Variants in SLC4A4 observed in about 807,000 individuals in gnomAD.
SLC4A4 encodes electrogenic sodium bicarbonate cotransporter 1.
Under a neutral mutation model 111.5 loss-of-function variants are expected in SLC4A4, and 27 were observed. The ratio of observed to expected loss-of-function variants is 0.24; its 90% CI spans 0.18 to 0.33. The LOEUF (loss-of-function observed/expected upper bound fraction) is 0.33, where lower values mean the gene tolerates loss of function less well. Among genes scored for constraint, SLC4A4 ranks in the 10% least tolerant of loss-of-function variants. The pLI, the probability that SLC4A4 is intolerant of heterozygous loss-of-function variation, is 1.00. For synonymous variants in SLC4A4, 443 were observed against 463.4 expected, an observed-to-expected ratio of 0.96 and a Z score of 0.57; for missense variants, 909 against 1,315.5, an observed-to-expected ratio of 0.69 and a Z score of 4.78.
At chr4:71,524,465 C>T (rs1012131042) in intron 16 of SLC4A4, among the ~76,000 whole-genome samples, 14 of 152,208 alleles carry the variant, frequency 9.2e-5, no homozygotes, top group South Asian at 6.2e-4. Flanking sequence ...GCTCCAAGCC[C>T]GACCCAGATA....
intron 20 of SLC4A4, among the ~76,000 whole-genome samples, chr4:71,549,630 G>A (rs899860753): frequency 6.6e-6 from 1 of 151,772 alleles, no homozygotes; most frequent in Non-Finnish European, 1.5e-5. Flanking sequence ...AGTCAGATGT[G>A]TTTAAAAGTT....
At chr4:71,382,074 T>G (rs1273148531) in intron 6 of SLC4A4, among the ~76,000 whole-genome samples, 1 of 152,100 alleles carries the variant, frequency 6.6e-6, no homozygotes, top group East Asian at 1.9e-4. Flanking sequence ...TACAAATATT[T>G]AGAGGAAAGT....
At chr4:71,404,556 T>A (rs1236726385) in intron 7 of SLC4A4, among the ~76,000 whole-genome samples, 1 of 152,210 alleles carries the variant, frequency 6.6e-6, no homozygotes, top group Non-Finnish European at 1.5e-5. Context: ...ATACCAGGAA[T>A]ATACCTAGAA....
At chr4:71,120,736 C>T (rs533736422) in intron 2 of SLC4A4, among the ~76,000 whole-genome samples, 6 of 152,286 alleles carry the variant, frequency 3.9e-5, no homozygotes, top group East Asian at 1.9e-4. Context: ...GGCGTGGTGG[C>T]GGGTGCCTGT....
intron 24 of SLC4A4, among the ~76,000 whole-genome samples, chr4:71,565,733 G>C (rs1316981501): frequency 6.6e-6 from 1 of 151,758 alleles, no homozygotes; most frequent in Non-Finnish European, 1.5e-5. Context: ...GCAAATCTCT[G>C]TAACAAACAT....
intron 13 of SLC4A4, among the ~76,000 whole-genome samples, chr4:71,466,872 C>A (rs566823580): frequency 6.6e-6 from 1 of 150,562 alleles, no homozygotes; most frequent in Non-Finnish European, 1.5e-5. Context: ...AACACCCATG[C>A]CCCTTTGCCT....
At chr4:71,357,739 A>G (rs1730413311) in intron 6 of SLC4A4, among the ~76,000 whole-genome samples, 1 of 152,216 alleles carries the variant, frequency 6.6e-6, no homozygotes, top group Non-Finnish European at 1.5e-5. Flanking sequence ...GATAGATCCA[A>G]GAATAATTAT....
intron 12 of SLC4A4, among the ~76,000 whole-genome samples, chr4:71,463,784 A>G (rs1377430607): frequency 1.3e-5 from 2 of 152,148 alleles, no homozygotes; most frequent in African/African-American, 4.8e-5. Context: ...GACCACATGT[A>G]GAGATGGTGG....
At chr4:71,148,360 G>T (rs1198604797) in intron 2 of SLC4A4, among the ~76,000 whole-genome samples, 3 of 152,102 alleles carry the variant, frequency 2.0e-5, no homozygotes, top group Non-Finnish European at 4.4e-5. Flanking sequence ...AAAGAAACTG[G>T]ATCTCCAAAC....
intron 3 of SLC4A4, among the ~76,000 whole-genome samples, chr4:71,256,295 G>A (rs185590302): frequency 2.4e-3 from 372 of 152,326 alleles, no homozygotes; most frequent in Non-Finnish European, 3.3e-3. Context: ...CACAGATAAA[G>A]ATCGGGTTCA....
chr4:71,254,525 T>C (rs1302703638), intron 2 of SLC4A4, among the ~76,000 whole-genome samples: 1 of 152,156 alleles, frequency 6.6e-6, no homozygotes, highest in East Asian at 1.9e-4. Context: ...AGAATGGCAC[T>C]GTAGCTGACA....
chr4:71,367,824 CT>C (rs777691746), intron 6 of SLC4A4, among the ~76,000 whole-genome samples: 1 of 152,152 alleles, frequency 6.6e-6, no homozygotes, highest in African/African-American at 2.4e-5. Flanking sequence ...AAAAATGTTT[CT>C]CGATTTTATA....
chr4:71,465,448 A>G (rs1727217622), intron 12 of SLC4A4, among the ~76,000 whole-genome samples: 1 of 151,190 alleles, frequency 6.6e-6, no homozygotes, highest in South Asian at 2.1e-4. Context: ...GAACCTTCCT[A>G]CAAATACACA....
chr4:71,486,729 T>G (rs1322818011), intron 14 of SLC4A4, among the ~76,000 whole-genome samples: 3 of 151,254 alleles, frequency 2.0e-5, no homozygotes, highest in Non-Finnish European at 4.4e-5. Context: ...TTCACCATCA[T>G]TTCTTATCAG....
rs978468952 is a variant in SLC4A4 at position 71,085,826 on chromosome 4, G to A, written c.-64-6904G>A. Among the ~76,000 whole-genome samples, 1,399 of 152,104 alleles carry A rather than the reference G, an allele frequency of 9.2e-3. 14 individuals carry two copies. The highest frequency in any genetic ancestry group is 0.014 in the Non-Finnish European group (938 of 68,004). ...CTGTAGCCTTGTAGTATAGTTCAAA[G>A]TCAGGTAGCGTGATGCCTCCAGCTT... On this transcript the variant is annotated intron_variant, in intron 1 of 26. Coordinates refer to the SLC4A4 transcript ENST00000649996.
chr4:71,551,856 T>A (rs2149242926), intron 20 of SLC4A4, among the ~76,000 whole-genome samples: 1 of 152,050 alleles, frequency 6.6e-6, no homozygotes, highest in East Asian at 1.9e-4. Context: ...CAGTACTTCC[T>A]TATCAGCTTA....
At position 71,563,807 on chromosome 4, in the gene SLC4A4, C is replaced by G. The variant is rs757348416; in HGVS notation, c.3114C>G (p.Tyr1038Ter). Residue 1038 changes from tyrosine (Y) to a stop codon, truncating the protein, a stop_gained, in exon 24 of 26, where the codon TAC (tyrosine) becomes TAG (stop). Coordinates refer to ENST00000264485, the MANE Select transcript of SLC4A4 (RefSeq NM_001098484.3). LOFTEE classifies it high-confidence loss of function. ...TTTTTTCACAGTCTGACTGCCCATA[C>G]TCAGAAAAAGTTCCAAGTATTAAAA... ...DSDNDDSDCP[Y>*]SEKVPSIKIP... The G allele has an allele frequency of 1.9e-6, 3 of 1,608,474 alleles. No individual in the cohort carries two copies. The highest frequency in any genetic ancestry group is 1.7e-6 in the Non-Finnish European group (2 of 1,175,586).
At chr4:71,085,105 T>G (rs1420522909) in intron 1 of SLC4A4, among the ~76,000 whole-genome samples, 1 of 152,106 alleles carries the variant, frequency 6.6e-6, no homozygotes, top group Non-Finnish European at 1.5e-5. Flanking sequence ...TTCTAACTGG[T>G]GTGAGATGGT....
intron 5 of SLC4A4, among the ~76,000 whole-genome samples, chr4:71,350,512 G>A (rs1321976260): frequency 6.6e-6 from 1 of 151,986 alleles, no homozygotes; most frequent in African/African-American, 2.4e-5. Flanking sequence ...CGAGTAGCTG[G>A]GATTACAGGT....
Sources: gnomAD v4.1 joint callset for allele counts (sites outside exome capture counted in the v4.1 genomes callset) on GRCh38, gnomAD v4.1.1 for gene constraint, MANE v1.5 for transcripts, NCBI Gene and HGNC (gene_info 2026-07-23, HGNC 2026-07-21) for gene names.